VCF1: variants seen among roughly 807,000 people sequenced by gnomAD.
VCF1 encodes the protein protein VCF1.
At chr17:73,210,325 G>A in the VCF1 span, among the ~76,000 whole-genome samples, 2 of 152,152 alleles carry the variant, frequency 1.3e-5, no homozygotes, top group African/African-American at 4.8e-5. Flanking sequence ...ATAGACTTCT[G>A]GTCAAGTTAT....
chr17:73,231,541 C>T, the VCF1 span, among the ~76,000 whole-genome samples: 1 of 152,208 alleles, frequency 6.6e-6, no homozygotes, highest in African/African-American at 2.4e-5. Flanking sequence ...ATGCCACAGT[C>T]AAGAGAAGAT....
chr17:73,208,484 T>C, the VCF1 span: 3 of 1,607,448 alleles, frequency 1.9e-6, no homozygotes, highest in African/African-American at 1.3e-5. Flanking sequence ...CCTAAATAAA[T>C]ACTACCACAT....
At chr17:73,227,758 T>C in the VCF1 span, 451 of 549,302 alleles carry the variant, frequency 8.2e-4, 1 homozygote, top group African/African-American at 8.7e-3. Flanking sequence ...CTGGCAACAC[T>C]AGCCGGTATT....
chr17:73,210,757 A>AATTTTTTTT, the VCF1 span, among the ~76,000 whole-genome samples: 1 of 135,122 alleles, frequency 7.4e-6, no homozygotes. Context: ...ATGCCTCGTT[A>AATTTTTTTT]TTTTTTTTTT....
the VCF1 span, among the ~76,000 whole-genome samples, chr17:73,222,197 CAAA>C: frequency 2.4e-5 from 3 of 126,012 alleles, no homozygotes. Flanking sequence ...GACCCTGTCT[CAAA>C]AAAAAAAAAA....
the VCF1 span, among the ~76,000 whole-genome samples, chr17:73,225,450 T>A: frequency 1.3e-5 from 2 of 151,014 alleles, no homozygotes; most frequent in African/African-American, 4.8e-5. Flanking sequence ...ACAATTTCTT[T>A]CTTTTTTTTT....
chr17:73,207,443 A>G, the VCF1 span: 1 of 717,572 alleles, frequency 1.4e-6, no homozygotes. Context: ...AAGGTGTAAA[A>G]GATGCCCGCT....
the VCF1 span, among the ~76,000 whole-genome samples, chr17:73,229,867 CAAAAAAAAA>C: frequency 8.0e-4 from 18 of 22,622 alleles, no homozygotes; most frequent in East Asian, 7.8e-3. Context: ...GACTCCATCT[CAAAAAAAAA>C]AAAAAAAAAA....
the VCF1 span, among the ~76,000 whole-genome samples, chr17:73,231,917 G>T: frequency 0.017 from 2,625 of 152,188 alleles, 42 homozygotes; most frequent in South Asian, 0.039. Context: ...CAGGAACCAA[G>T]CATCCGATCA....
At chr17:73,208,342 G>T in the VCF1 span, 4 of 1,614,084 alleles carry the variant, frequency 2.5e-6, no homozygotes, top group Non-Finnish European at 3.4e-6. Context: ...TCCACAGCTG[G>T]TGACCCGACA....
chr17:73,224,639 A>T, the VCF1 span, among the ~76,000 whole-genome samples: 1 of 152,224 alleles, frequency 6.6e-6, no homozygotes, highest in Non-Finnish European at 1.5e-5. Flanking sequence ...AACCAGCCAA[A>T]TGTCCCTAAA....
At chr17:73,229,826 C>T in the VCF1 span, among the ~76,000 whole-genome samples, 6 of 136,666 alleles carry the variant, frequency 4.4e-5, no homozygotes, top group Non-Finnish European at 9.1e-5. Flanking sequence ...CGAGATCGCA[C>T]CACTGCACTC....
the VCF1 span, among the ~76,000 whole-genome samples, chr17:73,225,881 T>C: frequency 1.5e-5 from 1 of 68,934 alleles, no homozygotes; most frequent in African/African-American, 5.7e-5. Flanking sequence ...TATATATATA[T>C]AATATATATA....
At chr17:73,223,579 T>G in the VCF1 span, among the ~76,000 whole-genome samples, 1 of 152,188 alleles carries the variant, frequency 6.6e-6, no homozygotes, top group African/African-American at 2.4e-5. Flanking sequence ...CCATTATTAT[T>G]GTACTTAAGC....
the VCF1 span, among the ~76,000 whole-genome samples, chr17:73,215,138 C>T: frequency 1.3e-4 from 20 of 152,316 alleles, no homozygotes; most frequent in African/African-American, 4.8e-4. Flanking sequence ...TACAAAGAGT[C>T]CTGTCTTGAA....
the VCF1 span, among the ~76,000 whole-genome samples, chr17:73,221,418 C>G: frequency 6.6e-6 from 1 of 150,972 alleles, no homozygotes; most frequent in African/African-American, 2.5e-5. Flanking sequence ...AGACTAGACC[C>G]TAAAAAAAAA....
chr17:73,216,658 T>C, the VCF1 span, among the ~76,000 whole-genome samples: 1 of 151,958 alleles, frequency 6.6e-6, no homozygotes, highest in Admixed American at 6.6e-5. Flanking sequence ...TGAGAGAATA[T>C]AGAGCAAAAA....
the VCF1 span, chr17:73,229,194 A>G: frequency 1.0e-6 from 1 of 985,470 alleles, no homozygotes; most frequent in East Asian, 1.1e-4. Flanking sequence ...GCCTGTTGGT[A>G]GCCTTCTCCT....
chr17:73,220,894 ATTTTTTTTTTT>A, the VCF1 span, among the ~76,000 whole-genome samples: 1 of 96,670 alleles, frequency 1.0e-5, no homozygotes, highest in Non-Finnish European at 2.0e-5. Context: ...TTTAATTTAG[ATTTTTTTTTTT>A]TTTTTTTTTT....
Sources: allele counts gnomAD v4.1 joint callset (sites outside exome capture counted in the v4.1 genomes callset), GRCh38; gene constraint gnomAD v4.1.1; transcripts MANE v1.5; gene names NCBI Gene and HGNC (gene_info 2026-07-23, HGNC 2026-07-21).